RDH13: variants seen among roughly 807,000 people sequenced by gnomAD.
RDH13 encodes retinol dehydrogenase 13 (all-trans and 9-cis).
In RDH13, 35 loss-of-function variants were observed where a neutral mutation model predicts 28.3. The ratio of observed to expected loss-of-function variants is 1.24; its 90% CI spans 0.95 to 1.64. RDH13 has a LOEUF of 1.64. Ranked by LOEUF, RDH13 falls within the 40% of genes most tolerant of loss-of-function variation. The pLI, the probability that RDH13 is intolerant of heterozygous loss-of-function variation, is 0.00. For synonymous variants in RDH13, 229 were observed against 198.5 expected (o/e 1.15, Z -1.29); for missense variants, 514 against 446.3 (o/e 1.15, Z -1.37).
At chr19:55,052,335 G>A (rs1247145099) in intron 3 of RDH13, among the ~76,000 whole-genome samples, 1 of 151,208 alleles carries the variant, frequency 6.6e-6, no homozygotes, top group Admixed American at 6.6e-5. Flanking sequence ...TTGAAACCAG[G>A]AGATGGAGGT....
At chr19:55,052,011 C>T (rs866776151) in intron 3 of RDH13, among the ~76,000 whole-genome samples, 2 of 149,488 alleles carry the variant, frequency 1.3e-5, no homozygotes, top group Non-Finnish European at 3.0e-5. Flanking sequence ...GGATTGCAGG[C>T]GTGGGCCACA....
chr19:55,048,578 A>T, intron 4 of RDH13, 37 bp from the exon 5 acceptor site: 1 of 1,611,686 alleles, frequency 6.2e-7, no homozygotes, highest in Non-Finnish European at 8.5e-7. Flanking sequence ...CTTTTGACTC[A>T]CACCTAAAAT....
Position 55,050,210 on chromosome 19 carries a change from A to G in RDH13, c.341-1447T>C, listed in dbSNP as rs150102358. On this transcript the variant is annotated intron_variant, in intron 3 of 6. Coordinates refer to ENST00000415061, the MANE Select transcript of RDH13 (RefSeq NM_001145971.2). ...TGGCTCACTGCAACCTCTGCCTCCC[A>G]GGTTCAAACAATTCTCCTGCCTCAG... Among the ~76,000 whole-genome samples the G allele has an allele frequency of 7.0e-3, 1,065 of 151,194 alleles. 13 individuals are homozygous for G. The highest frequency in any genetic ancestry group is 0.024 in the African/African-American group (967 of 41,144).
At chr19:55,046,670 C>G (rs2075246174) in intron 6 of RDH13, 1 of 152,062 alleles carries the variant, frequency 6.6e-6, no homozygotes, top group Non-Finnish European at 1.5e-5. Flanking sequence ...ACCTGTAATC[C>G]CAGCACTTTG....
chr19:55,052,731 G>T lies in RDH13; in HGVS notation c.340+3922C>A, dbSNP rs576253418. 2.9e-4 allele frequency among the ~76,000 whole-genome samples: 43 copies of T among 149,662 alleles called. No homozygotes were observed. In the East Asian group the frequency reaches 7.0e-3, roughly 24 times the overall value. On this transcript the variant is annotated intron_variant, in intron 3 of 6. Transcript: ENST00000415061. ...GGCTGGAGTGCAGTGGCGCCATCTC[G>T]GCTCACTGCAAGCTCCACCTCCCGG...
In RDH13 at chr19:55,059,238, T is replaced by A; in HGVS notation, c.103A>T (p.Thr35Ser). Residue 35 changes from threonine (T) to serine (S), a missense_variant, in exon 2 of 7, where the codon ACC (threonine) becomes TCC (serine). Physicochemically the swap from Thr to Ser is moderately conservative, Grantham distance 58 (BLOSUM62 1). Transcript: ENST00000415061. ...VTGGACPSKA[T>S]IPGKTVIVTG... ...ACGATGACCGTCTTCCCAGGGATGG[T>A]GGCCTTGCTGGGGCAAGCCCCACCG... 6.2e-7 allele frequency: 1 copy of A among 1,604,354 alleles called. No homozygotes were observed. Among genetic ancestry groups the A allele is most frequent in the African/African-American group, 1.3e-5 (1 of 74,858 alleles).
intron 3 of RDH13, among the ~76,000 whole-genome samples, chr19:55,051,796 G>A (rs372028032): frequency 2.0e-5 from 3 of 151,164 alleles, no homozygotes; most frequent in Admixed American, 6.6e-5. Context: ...GCAGTGGCGC[G>A]ATCTCAGCTC....
chr19:55,048,798 T>TGAGGACAGACCCCAGC, intron 3 of RDH13, 35 bp from the exon 4 acceptor site: 1 of 1,568,946 alleles, frequency 6.4e-7, no homozygotes, highest in Non-Finnish European at 8.8e-7. Flanking sequence ...GACATCCCGG[T>TGAGGACAGACCCCAGC]GAGGACAGAC....
chr19:55,060,592 G>A (rs925426231), intron 1 of RDH13, among the ~76,000 whole-genome samples: 1 of 152,214 alleles, frequency 6.6e-6, no homozygotes, highest in African/African-American at 2.4e-5. Context: ...TGGGCCCACT[G>A]TTGTTTCTCT....
At chr19:55,053,839 C>T (rs1379357809) in intron 3 of RDH13, 1 of 152,192 alleles carries the variant, frequency 6.6e-6, no homozygotes, top group Non-Finnish European at 1.5e-5. Context: ...GAGACAGGAT[C>T]AGAGGCGCCC....
Position 55,045,284 on chromosome 19 carries a change from C to G in RDH13, c.786G>C (p.Lys262Asn). Residue 262 changes from lysine (K) to asparagine (N), a missense_variant, in exon 7 of 7, where the codon AAG becomes AAC. Transcript: ENST00000415061. Reference sequence around the variant, plus strand: ...TGGGCTGGGCGGCCAGCTCGGGGCTCTTGACCAGCAGCCAGAAGATGGGCC... The same window carrying G: ...TGGGCTGGGCGGCCAGCTCGGGGCTGTTGACCAGCAGCCAGAAGATGGGCC... ...TLGPIFWLLVKSPELAAQPST... is the reference protein window; with the variant it reads ...TLGPIFWLLVNSPELAAQPST... The G allele has an allele frequency of 1.2e-6, 2 of 1,612,696 alleles. No homozygotes were observed. Among genetic ancestry groups the G allele is most frequent in the Non-Finnish European group, 1.7e-6 (2 of 1,179,884 alleles).
chr19:55,049,142 G>A (rs985450722), intron 3 of RDH13, among the ~76,000 whole-genome samples: 5 of 152,138 alleles, frequency 3.3e-5, no homozygotes, highest in Admixed American at 6.6e-5. Flanking sequence ...GCCGGCTTCC[G>A]GAACCGTGAG....
intron 3 of RDH13, chr19:55,053,925 G>A (rs967696839): frequency 2.0e-5 from 3 of 152,164 alleles, no homozygotes; most frequent in African/African-American, 7.2e-5. Context: ...CTTAATAAAT[G>A]TTCATCCACC....
chr19:55,060,189 A>G (rs62124160), intron 1 of RDH13, among the ~76,000 whole-genome samples: 17,432 of 138,514 alleles, frequency 0.13, 1,266 homozygotes, highest in Non-Finnish European at 0.14. Flanking sequence ...GAGGAAGGCC[A>G]CTGTCTCCTG....
chr19:55,065,188 C>A (rs189321978), upstream of RDH13, among the ~76,000 whole-genome samples: 191 of 151,136 alleles, frequency 1.3e-3, no homozygotes, highest in African/African-American at 4.5e-3. Flanking sequence ...AGTTTGAGAG[C>A]GGCCTGGACA....
intron 1 of RDH13, among the ~76,000 whole-genome samples, chr19:55,060,166 T>G (rs2075765872): frequency 7.2e-6 from 1 of 138,900 alleles, no homozygotes; most frequent in South Asian, 2.4e-4. Flanking sequence ...GAAAGCCTCT[T>G]GCAGTTGAGA....
At chr19:55,048,260 A>T in intron 5 of RDH13, 69 bp downstream of exon 5, 1 of 1,599,598 alleles carries the variant, frequency 6.3e-7, no homozygotes, top group Non-Finnish European at 8.5e-7. Flanking sequence ...CCATCAGCCT[A>T]GGATCATGGA....
At chr19:55,057,482 G>A (rs1219053328) in intron 2 of RDH13, among the ~76,000 whole-genome samples, 1 of 151,240 alleles carries the variant, frequency 6.6e-6, no homozygotes, top group Admixed American at 6.6e-5. Context: ...ACCCAGGCTG[G>A]AGTGCGGTGG....
At chr19:55,043,169 T>C (rs1333910603), downstream of RDH13, 1 of 152,226 alleles carries the variant, frequency 6.6e-6, no homozygotes, top group African/African-American at 2.4e-5. Flanking sequence ...TGGGAGGCCA[T>C]GGCGGAAGGG....
Sources: allele counts gnomAD v4.1 joint callset (sites outside exome capture counted in the v4.1 genomes callset), GRCh38; gene constraint gnomAD v4.1.1; transcripts MANE v1.5; gene names NCBI Gene and HGNC (gene_info 2026-07-23, HGNC 2026-07-21).